PTPRJ: variants seen among roughly 807,000 people sequenced by gnomAD.
The protein encoded by PTPRJ is receptor-type tyrosine-protein phosphatase eta.
A neutral mutation model predicts 141.3 loss-of-function variants in PTPRJ; 129 were observed. That is an observed-to-expected ratio of 0.91 (90% CI 0.79 to 1.06). The LOEUF (loss-of-function observed/expected upper bound fraction) is 1.06. Among genes scored for constraint, PTPRJ ranks in the 50% least tolerant of loss-of-function variants. The pLI is 0.00. For synonymous variants in PTPRJ, 610 were observed against 640.5 expected, an observed-to-expected ratio of 0.95 and a Z score of 0.72; for missense variants, 1,601 against 1,679.7, an observed-to-expected ratio of 0.95 and a Z score of 0.82.
Position 48,139,598 on chromosome 11 carries a change from C to T in PTPRJ, c.2265C>T (p.Ser755=). Residue 755 remains serine (S), a synonymous_variant, in exon 11 of 25, where the codon AGC becomes AGT. Coordinates refer to ENST00000418331, the MANE Select transcript of PTPRJ (RefSeq NM_002843.4). ...GANAGFELEV[S]SGAWNNATHL... is the part of the protein sequence containing the mutation. ...ATGCAGGCTTTGAGCTGGAGGTCAG[C>T]AGTGGAGCCTGGAACAATGCGACCC... is the stretch of plus-strand genomic sequence containing the variant. 2 of 1,614,184 alleles carry T rather than the reference C, an allele frequency of 1.2e-6. No individual in the cohort carries two copies. The highest frequency in any genetic ancestry group is 1.1e-5 in the South Asian group (1 of 91,078).
intron 3 of PTPRJ, among the ~76,000 whole-genome samples, chr11:48,120,088 A>G (rs1383629583): frequency 6.6e-6 from 1 of 152,218 alleles, no homozygotes; most frequent in Admixed American, 6.5e-5. Context: ...TAATGTCCAA[A>G]TCTTGTCCCT....
At chr11:48,086,707 C>G (rs978108309) in intron 1 of PTPRJ, among the ~76,000 whole-genome samples, 1 of 152,204 alleles carries the variant, frequency 6.6e-6, no homozygotes, top group Admixed American at 6.5e-5. Flanking sequence ...CTGCGTCTCT[C>G]GACTGACCAG....
rs1406063928 is a variant in PTPRJ, at chr11:48,170,477, A to T, written c.*3115A>T. 6.6e-6 allele frequency: 1 copy of T among 152,164 alleles called. No homozygotes were observed. Among genetic ancestry groups the T allele is most frequent in the Non-Finnish European group, 1.5e-5 (1 of 68,028 alleles). 9.4% of individuals were successfully genotyped at this position (152,164 alleles called of 1,614,324 possible). ...TCACGTGTGTTTTTCATCTGGGATG[A>T]AAAAGCCTGGTTCTCTTTTGAAATG... On this transcript the variant is annotated 3_prime_UTR_variant, in exon 25 of 25. Coordinates refer to ENST00000418331, the MANE Select transcript of PTPRJ (RefSeq NM_002843.4).
chr11:48,053,345 TATATATAA>T (rs1178810512), intron 1 of PTPRJ, among the ~76,000 whole-genome samples: 6 of 94,380 alleles, frequency 6.4e-5, no homozygotes, highest in African/African-American at 2.7e-4. Context: ...TATTATATAT[TATATATAA>T]ATATATAAAA....
chr11:48,058,695 C>T (rs1006212366), intron 1 of PTPRJ, among the ~76,000 whole-genome samples: 5 of 152,188 alleles, frequency 3.3e-5, no homozygotes, highest in African/African-American at 2.4e-5. Flanking sequence ...CTGGTCTCCC[C>T]ACTTCTGCCC....
At chr11:48,020,687 C>G (rs911601200) in intron 1 of PTPRJ, among the ~76,000 whole-genome samples, 9 of 152,180 alleles carry the variant, frequency 5.9e-5, no homozygotes, top group Non-Finnish European at 8.8e-5. Context: ...CCTGTCGATT[C>G]CACAGTTGCC....
chr11:48,021,225 T>G (rs570396414), intron 1 of PTPRJ, among the ~76,000 whole-genome samples: 1 of 151,868 alleles, frequency 6.6e-6, no homozygotes, highest in Non-Finnish European at 1.5e-5. Flanking sequence ...AATACAAAAA[T>G]TAGCCGGGCG....
chr11:48,156,009 A>T lies in PTPRJ; in HGVS notation c.3328A>T (p.Ile1110Phe). Residue 1110 changes from isoleucine to phenylalanine, a missense_variant, in exon 21 of 25, where the codon ATT becomes TTT. By Grantham distance (21) the Ile-to-Phe change is conservative. Coordinates refer to ENST00000418331, the MANE Select transcript of PTPRJ (RefSeq NM_002843.4). ...MPGYHSKKDF[I>F]ATQGPLPNTL... ...GGGCTACCACTCCAAGAAAGATTTTATTGCCACACAAGGACCTTTACCGAA... is the reference window on the plus strand; with the variant it reads ...GGGCTACCACTCCAAGAAAGATTTTTTTGCCACACAAGGACCTTTACCGAA... 6.2e-7 allele frequency: 1 copy of T among 1,610,270 alleles called. No homozygotes were observed. The highest frequency in any genetic ancestry group is 8.5e-7 in the Non-Finnish European group (1 of 1,176,522).
intron 5 of PTPRJ, 31 bp from the exon 6 acceptor site, chr11:48,124,937 G>T: frequency 6.2e-7 from 1 of 1,605,254 alleles, no homozygotes; most frequent in South Asian, 1.1e-5. Flanking sequence ...TCTTGTGGTT[G>T]ATGTCTTTTT....
At chr11:48,080,785 T>C (rs1286661368) in intron 1 of PTPRJ, among the ~76,000 whole-genome samples, 1 of 152,138 alleles carries the variant, frequency 6.6e-6, no homozygotes, top group East Asian at 1.9e-4. Context: ...ACCTTTAAGC[T>C]CCCAGAGTAC....
rs1857660927 is a variant in PTPRJ, at chr11:48,158,190, C to A, written c.3439-1740C>A. ...ACAAAAAAAGAAGAATGCAAATAAG[C>A]TTTTTAATACTGTTGAGCCCAGGGC... On this transcript the variant is annotated intron_variant, in intron 21 of 24. Coordinates refer to ENST00000418331, the MANE Select transcript of PTPRJ (RefSeq NM_002843.4). This position sits in a 1 kb window ranked among gnomAD's most constrained non-coding sequence, Gnocchi z 4.4. Among the ~76,000 whole-genome samples the A allele has an allele frequency of 6.6e-6, 1 of 152,020 alleles. No individual in the cohort carries two copies. Among genetic ancestry groups the A allele is most frequent in the Non-Finnish European group, 1.5e-5 (1 of 67,966 alleles).
At chr11:48,018,423 C>T (rs1406910791) in intron 1 of PTPRJ, among the ~76,000 whole-genome samples, 4 of 151,978 alleles carry the variant, frequency 2.6e-5, no homozygotes, top group South Asian at 2.1e-4. Flanking sequence ...TGTGAAGCCC[C>T]GGGCCACAGT....
At chr11:48,045,636 G>A (rs1413623873) in intron 1 of PTPRJ, among the ~76,000 whole-genome samples, 1 of 152,128 alleles carries the variant, frequency 6.6e-6, no homozygotes, top group Non-Finnish European at 1.5e-5. Context: ...GGCTATCTGG[G>A]CAGTGATGGG....
chr11:48,063,412 G>C (rs1273290692), intron 1 of PTPRJ, among the ~76,000 whole-genome samples: 2 of 152,212 alleles, frequency 1.3e-5, no homozygotes, highest in East Asian at 3.8e-4. Context: ...GAGGGTTTTG[G>C]TCTCTTTCTC....
chr11:47,986,945 G>A (rs1250456542), intron 1 of PTPRJ, among the ~76,000 whole-genome samples: 4 of 152,152 alleles, frequency 2.6e-5, no homozygotes, highest in African/African-American at 2.4e-5. Context: ...GCTGGGCAGG[G>A]TGACTCATTC....
At chr11:48,061,121 C>T (rs1421117999) in intron 1 of PTPRJ, among the ~76,000 whole-genome samples, 2 of 152,306 alleles carry the variant, frequency 1.3e-5, no homozygotes, top group South Asian at 2.1e-4. Flanking sequence ...GGATTACAGG[C>T]ATGTACCACC....
intron 8 of PTPRJ, chr11:48,132,743 A>G (rs1590542510): frequency 5.2e-6 from 5 of 964,144 alleles, no homozygotes; most frequent in Non-Finnish European, 6.2e-6. Flanking sequence ...CTTGAAACAC[A>G]CATGAAATGA....
In PTPRJ at chr11:48,054,821, T is replaced by C. The variant is rs554342793; in HGVS notation, c.97-55237T>C. The stretch of plus-strand genomic sequence containing the variant: ...CCTCATTTTTTTCCTTTCTTTCTTT[T>C]TTTTTTTTTTAAAGGGCCAGTCCCC... On this transcript the variant is annotated intron_variant, in intron 1 of 24. Coordinates refer to ENST00000418331, the MANE Select transcript of PTPRJ (RefSeq NM_002843.4). Among the ~76,000 whole-genome samples, 7 of 151,596 alleles carry C rather than the reference T, an allele frequency of 4.6e-5. No homozygotes were observed. The East Asian group carries it at 5.8e-4, about 13-fold the overall frequency.
At chr11:48,042,295 ATC>A (rs1319666064) in intron 1 of PTPRJ, among the ~76,000 whole-genome samples, 1 of 152,116 alleles carries the variant, frequency 6.6e-6, no homozygotes, top group Non-Finnish European at 1.5e-5. Flanking sequence ...CAAAGAAAAC[ATC>A]TCTCTTATGT....
Sources: gnomAD v4.1 joint callset for allele counts (sites outside exome capture counted in the v4.1 genomes callset) on GRCh38, gnomAD v4.1.1 for gene constraint, Gnocchi (gnomAD v3.1) non-coding constraint, MANE v1.5 for transcripts, NCBI Gene and HGNC (gene_info 2026-07-23, HGNC 2026-07-21) for gene names.